Variants in DNAJC6 observed in about 807,000 individuals in gnomAD.
DNAJC6 encodes auxilin.
DNAJC6 carries 34 observed loss-of-function variants against 110.0 expected under a neutral mutation model. The ratio of observed to expected loss-of-function variants is 0.31; its 90% confidence interval spans 0.24 to 0.41. DNAJC6 has a LOEUF of 0.41. DNAJC6 is among the 10% of genes least tolerant of loss of function. DNAJC6 has a pLI of 1.00. For synonymous variants in DNAJC6, 406 were observed against 437.2 expected, an observed-to-expected ratio of 0.93 and a Z score of 0.89; for missense variants, 1,031 against 1,207.8, an observed-to-expected ratio of 0.85 and a Z score of 2.17.
At chr1:65,368,905 G>A (rs1421962138) in intron 4 of DNAJC6, among the ~76,000 whole-genome samples, 1 of 151,712 alleles carries the variant, frequency 6.6e-6, no homozygotes, top group African/African-American at 2.4e-5. Context: ...CCAAGTAGCT[G>A]GGATTACAGA....
chr1:65,411,519 G>A, intron 18 of DNAJC6, 93 bp downstream of exon 18: 6 of 1,215,746 alleles, frequency 4.9e-6, no homozygotes, highest in Admixed American at 2.6e-5. Flanking sequence ...TGGTTCATAT[G>A]GCCTATTTTT....
chr1:65,303,902 C>G (rs750511556), intron 1 of DNAJC6, among the ~76,000 whole-genome samples: 10 of 152,158 alleles, frequency 6.6e-5, no homozygotes, highest in African/African-American at 9.7e-5. Flanking sequence ...CAGGTCAGAT[C>G]TAAGGAATGA....
chr1:65,339,017 A>G (rs998482239), intron 1 of DNAJC6, among the ~76,000 whole-genome samples: 5 of 152,090 alleles, frequency 3.3e-5, no homozygotes, highest in East Asian at 1.9e-4. Context: ...ATGGTCTTAT[A>G]TACTGTTTTC....
intron 1 of DNAJC6, among the ~76,000 whole-genome samples, chr1:65,318,538 T>TC (rs1433620162): frequency 6.6e-6 from 1 of 152,166 alleles, no homozygotes; most frequent in Non-Finnish European, 1.5e-5. Flanking sequence ...AGGAATGAGA[T>TC]CATGACCTTT....
chr1:65,401,797 G>A lies in DNAJC6; in HGVS notation c.2144G>A (p.Ser715Asn). 1 of 1,613,728 alleles carries A rather than the reference G, an allele frequency of 6.2e-7. No individual in the cohort carries two copies. The highest frequency in any genetic ancestry group is 1.1e-5 in the South Asian group (1 of 91,018). The change falls in exon 15 of 19, where the codon AGC becomes AAC. Residue 715 changes from serine (S) to asparagine (N), a missense_variant. Physicochemically the swap from Ser to Asn is conservative, Grantham distance 46 (BLOSUM62 1). Transcript: ENST00000371069. ...ATGGGAAGCAAGTCAGCTGCCACCAGCCCAACCGGATCCTCGCATGGTACT... is the reference window on the plus strand; with the variant it reads ...ATGGGAAGCAAGTCAGCTGCCACCAACCCAACCGGATCCTCGCATGGTACT... ...FGMGSKSAAT[S>N]PTGSSHGTPT...
chr1:65,399,169 C>T lies in DNAJC6; in HGVS notation c.2107+288C>T, dbSNP rs146219244. On this transcript the variant is annotated intron_variant, in intron 14 of 18. Transcript: ENST00000371069. ...TATCAAACTCTATCACTTAGAAACTCTTGGGTTTTTTTGGCAAGTCTGAGC... is the reference window on the plus strand; with the variant it reads ...TATCAAACTCTATCACTTAGAAACTTTTGGGTTTTTTTGGCAAGTCTGAGC... 7.2e-3 allele frequency among the ~76,000 whole-genome samples: 1,103 copies of T among 152,258 alleles called. 4 individuals are homozygous for T. Among genetic ancestry groups the T allele is most frequent in the Non-Finnish European group, 0.011 (767 of 68,012 alleles).
intron 1 of DNAJC6, among the ~76,000 whole-genome samples, chr1:65,354,546 T>G (rs1489311578): frequency 1.3e-5 from 2 of 152,208 alleles, no homozygotes; most frequent in Non-Finnish European, 2.9e-5. Flanking sequence ...TAATTCATTC[T>G]CCTATGTTTA....
At chr1:65,411,730 G>T (rs942120446) in intron 18 of DNAJC6, among the ~76,000 whole-genome samples, 2 of 152,026 alleles carry the variant, frequency 1.3e-5, no homozygotes, top group Non-Finnish European at 2.9e-5. Flanking sequence ...GCACTTTGGG[G>T]GGGGCAGGGT....
chr1:65,313,574 A>G (rs1645121756), intron 1 of DNAJC6, among the ~76,000 whole-genome samples: 1 of 152,192 alleles, frequency 6.6e-6, no homozygotes, highest in African/African-American at 2.4e-5. Flanking sequence ...AGGTCTTCTG[A>G]CTCAAAGGTT....
upstream of DNAJC6, among the ~76,000 whole-genome samples, chr1:65,307,018 C>CTCTATATA (rs1465563773): frequency 1.3e-4 from 9 of 70,700 alleles, no homozygotes; most frequent in Admixed American, 1.6e-4. Flanking sequence ...CTCTCTCTCT[C>CTCTATATA]TATATATATA....
intron 1 of DNAJC6, among the ~76,000 whole-genome samples, chr1:65,318,816 C>T (rs1645170909): frequency 6.6e-6 from 1 of 151,956 alleles, no homozygotes; most frequent in Non-Finnish European, 1.5e-5. Flanking sequence ...ACACGTTTAT[C>T]TATGTAACAA....
intron 4 of DNAJC6, among the ~76,000 whole-genome samples, chr1:65,370,385 A>G (rs1392680625): frequency 6.6e-6 from 1 of 152,130 alleles, no homozygotes; most frequent in African/African-American, 2.4e-5. Context: ...CCCAACATAA[A>G]CACTGTTCCC....
intron 1 of DNAJC6, among the ~76,000 whole-genome samples, chr1:65,268,391 G>A (rs1361660493): frequency 2.6e-5 from 4 of 152,202 alleles, no homozygotes; most frequent in African/African-American, 9.6e-5. Flanking sequence ...AAATAGTTGA[G>A]TGAGTTAATA....
At chr1:65,310,058 G>T in intron 1 of DNAJC6, 120 bp downstream of exon 1, 2 of 1,211,958 alleles carry the variant, frequency 1.7e-6, no homozygotes, top group Non-Finnish European at 1.1e-6. Flanking sequence ...AGCCGGGCTG[G>T]AGGCGAAGGC....
chr1:65,345,748 G>C, intron 1 of DNAJC6: 8 of 907,886 alleles, frequency 8.8e-6, no homozygotes, highest in Non-Finnish European at 1.1e-5. Context: ...TTGGCCTTTG[G>C]GATTTAGCCC....
At chr1:65,335,428 T>C (rs1214991740) in intron 1 of DNAJC6, among the ~76,000 whole-genome samples, 1 of 152,046 alleles carries the variant, frequency 6.6e-6, no homozygotes, top group Admixed American at 6.6e-5. Flanking sequence ...TCTGTCCTTT[T>C]ATGGAGCTTC....
intron 1 of DNAJC6, among the ~76,000 whole-genome samples, chr1:65,358,973 A>G (rs1570322573): frequency 6.6e-6 from 1 of 152,318 alleles, no homozygotes; most frequent in East Asian, 1.9e-4. Flanking sequence ...GGGGATGATC[A>G]CTATGCATTA....
In DNAJC6 at chr1:65,347,979, AG is replaced by A. The variant is rs528520743; in HGVS notation, c.194-16655del. Among the ~76,000 whole-genome samples, 383 of 152,336 alleles carry A rather than the reference AG, an allele frequency of 2.5e-3. 4 individuals carry two copies. The highest frequency in any genetic ancestry group is 8.8e-3 in the African/African-American group (368 of 41,588). ...GAGAATGACCAATGGCAATGCAGACAGCCTTATTGGACTAAGGATGGCATTT... is the reference window on the plus strand; with the variant it reads ...GAGAATGACCAATGGCAATGCAGACACCTTATTGGACTAAGGATGGCATTT... On this transcript the variant is annotated intron_variant, in intron 1 of 18. Coordinates refer to ENST00000371069, the MANE Select transcript of DNAJC6 (RefSeq NM_001256864.2).
chr1:65,388,516 G>A, intron 9 of DNAJC6, 101 bp downstream of exon 9: 1 of 1,072,902 alleles, frequency 9.3e-7, no homozygotes, highest in Non-Finnish European at 1.4e-6. Context: ...ATCCTGTGCT[G>A]CTGAACTACT....
Sources: gnomAD v4.1 joint callset for allele counts (sites outside exome capture counted in the v4.1 genomes callset) on GRCh38, gnomAD v4.1.1 for gene constraint, MANE v1.5 for transcripts, NCBI Gene and HGNC (gene_info 2026-07-23, HGNC 2026-07-21) for gene names.